Variants in DZANK1 observed in about 807,000 individuals in gnomAD.
DZANK1 encodes double zinc ribbon and ankyrin repeat domains 1.
In DZANK1, 91 loss-of-function variants were observed where a neutral mutation model predicts 94.5. That is an observed-to-expected ratio of 0.96 (90% confidence interval 0.81 to 1.15). DZANK1 has a LOEUF of 1.15. Among genes scored for constraint, DZANK1 ranks in the 50% most tolerant of loss-of-function variants. The probability of loss-of-function intolerance (pLI) is 0.00; values close to 1 mark genes in which losing one functional copy is unlikely to be tolerated. For synonymous variants in DZANK1, 312 were observed against 325.3 expected (o/e 0.96, Z 0.44); for missense variants, 903 against 916.4 (o/e 0.99, Z 0.19).
intron 13 of DZANK1, among the ~76,000 whole-genome samples, chr20:18,408,600 T>C (rs985440884): frequency 4.0e-5 from 6 of 151,752 alleles, no homozygotes; most frequent in African/African-American, 1.2e-4. Flanking sequence ...CAGGAGAGAG[T>C]GGCATGACAT....
At chr20:18,465,005 A>G (rs2059596201) in intron 2 of DZANK1, among the ~76,000 whole-genome samples, 1 of 152,136 alleles carries the variant, frequency 6.6e-6, no homozygotes, top group African/African-American at 2.4e-5. Context: ...TGGCTAAGGT[A>G]AGTCAAGACA....
chr20:18,431,110 A>C (rs939801764), intron 9 of DZANK1, among the ~76,000 whole-genome samples: 5 of 152,196 alleles, frequency 3.3e-5, no homozygotes, highest in African/African-American at 4.8e-5. Flanking sequence ...TTGTTACAAA[A>C]AATTAGGTAT....
intron 16 of DZANK1, among the ~76,000 whole-genome samples, 156 bp from the exon 17 acceptor site, chr20:18,393,967 G>A (rs962200440): frequency 6.6e-6 from 1 of 152,118 alleles, no homozygotes; most frequent in Non-Finnish European, 1.5e-5. Flanking sequence ...GACTCCTGGA[G>A]CCACTCTCCT....
chr20:18,429,307 C>T (rs1462303461), intron 9 of DZANK1, among the ~76,000 whole-genome samples: 1 of 152,204 alleles, frequency 6.6e-6, no homozygotes, highest in African/African-American at 2.4e-5. Context: ...CCTTCAAGAC[C>T]TCACCTTGCA....
intron 10 of DZANK1, among the ~76,000 whole-genome samples, chr20:18,419,778 G>A (rs1334005083): frequency 6.6e-6 from 1 of 151,766 alleles, no homozygotes; most frequent in African/African-American, 2.4e-5. Flanking sequence ...ACTCTAAGAA[G>A]TGATAAAGGG....
At chr20:18,449,413 C>T (rs1386942227) in intron 6 of DZANK1, among the ~76,000 whole-genome samples, 1 of 151,932 alleles carries the variant, frequency 6.6e-6, no homozygotes, top group Non-Finnish European at 1.5e-5. Context: ...AATTATTACT[C>T]TAGTATCTAA....
intron 6 of DZANK1, among the ~76,000 whole-genome samples, chr20:18,450,109 TAAAC>T (rs1206420434): frequency 0.014 from 1,330 of 94,366 alleles, 24 homozygotes; most frequent in African/African-American, 0.043. Flanking sequence ...AATAAATAAA[TAAAC>T]AAACAAACAA....
intron 2 of DZANK1, among the ~76,000 whole-genome samples, chr20:18,461,278 ATTTCT>A (rs2059461929): frequency 6.6e-6 from 1 of 152,062 alleles, no homozygotes; most frequent in African/African-American, 2.4e-5. Flanking sequence ...TGTTCCACAT[ATTTCT>A]TTTTTCATTT....
intron 3 of DZANK1, among the ~76,000 whole-genome samples, chr20:18,458,500 G>A (rs2059365897): frequency 6.6e-6 from 1 of 152,146 alleles, no homozygotes. Flanking sequence ...AAGAAAGTTA[G>A]CTTAAAACTT....
intron 2 of DZANK1, among the ~76,000 whole-genome samples, chr20:18,461,861 A>C (rs1030199073): frequency 6.6e-6 from 1 of 152,058 alleles, no homozygotes; most frequent in Non-Finnish European, 1.5e-5. Context: ...CAGCCTCCCA[A>C]AGTGCTGGGA....
chr20:18,415,067 T>C (rs1468313888), intron 11 of DZANK1, among the ~76,000 whole-genome samples: 1 of 152,180 alleles, frequency 6.6e-6, no homozygotes, highest in Non-Finnish European at 1.5e-5. Context: ...CAGGCAGACA[T>C]AATTCATTTT....
At chr20:18,395,050 C>G (rs2056259909) in intron 15 of DZANK1, among the ~76,000 whole-genome samples, 1 of 152,202 alleles carries the variant, frequency 6.6e-6, no homozygotes, top group African/African-American at 2.4e-5. Flanking sequence ...CTAGAACATG[C>G]AGGCTAACAA....
At chr20:18,449,956 T>C (rs552537337) in intron 6 of DZANK1, among the ~76,000 whole-genome samples, 154 of 151,474 alleles carry the variant, frequency 1.0e-3, no homozygotes, top group Non-Finnish European at 1.8e-3. Flanking sequence ...CGCATGCCTA[T>C]AATCCCAGCT....
intron 7 of DZANK1, among the ~76,000 whole-genome samples, chr20:18,445,832 C>A (rs1217225061): frequency 2.0e-5 from 3 of 152,212 alleles, no homozygotes; most frequent in African/African-American, 7.2e-5. Flanking sequence ...TCTCGGCTCA[C>A]TGCAGCCTCC....
intron 6 of DZANK1, among the ~76,000 whole-genome samples, chr20:18,449,905 C>CTCTA (rs1366579877): frequency 2.0e-5 from 3 of 151,600 alleles, no homozygotes; most frequent in Non-Finnish European, 4.4e-5. Flanking sequence ...ATGGAGAAAC[C>CTCTA]CCGTCTCTAC....
chr20:18,427,027 T>C (rs943890787), intron 10 of DZANK1, 40 bp downstream of exon 10: 3 of 1,420,822 alleles, frequency 2.1e-6, no homozygotes, highest in South Asian at 2.5e-5. Flanking sequence ...ATTGACATAG[T>C]AGCCACTAAA....
chr20:18,452,603 C>T lies in DZANK1; in HGVS notation c.543+12G>A. On this transcript the variant is annotated intron_variant, in intron 6 of 20. Coordinates refer to ENST00000262547, the Ensembl canonical transcript of DZANK1. Reference sequence around the variant, plus strand: ...GTATTTGAATACCCTAAAGATTGTCCTTAGAAGTTACCTGGGACTGGCGGG... The same window carrying T: ...GTATTTGAATACCCTAAAGATTGTCTTTAGAAGTTACCTGGGACTGGCGGG... 1 of 1,601,840 alleles carries T rather than the reference C, an allele frequency of 6.2e-7. No individual in the cohort carries two copies. Among genetic ancestry groups the T allele is most frequent in the East Asian group, 2.2e-5 (1 of 44,760 alleles).
chr20:18,406,321 G>T (rs957388833), intron 13 of DZANK1, among the ~76,000 whole-genome samples: 1 of 152,238 alleles, frequency 6.6e-6, no homozygotes, highest in East Asian at 1.9e-4. Flanking sequence ...AGAGCAAGGA[G>T]TAAAGAGCAC....
intron 4 of DZANK1, chr20:18,454,161 G>A (rs371218853): frequency 1.3e-5 from 5 of 389,724 alleles, no homozygotes; most frequent in Admixed American, 6.9e-5. Context: ...AGGCAGGGTA[G>A]AGTCAGACCA....
Sources: gnomAD v4.1 joint callset for allele counts (sites outside exome capture counted in the v4.1 genomes callset) on GRCh38, gnomAD v4.1.1 for gene constraint, MANE v1.5 for transcripts, NCBI Gene and HGNC (gene_info 2026-07-23, HGNC 2026-07-21) for gene names.